Variants in MZF1 observed in about 807,000 individuals in gnomAD.
The protein encoded by MZF1 is zinc finger and SCAN domain-containing protein 6.
In MZF1, 24 loss-of-function variants were observed where a neutral mutation model predicts 28.6. The ratio of observed to expected loss-of-function variants is 0.84; its 90% CI spans 0.61 to 1.18. The LOEUF is 1.18. MZF1 is among the 50% of genes most tolerant of loss of function. The pLI, the probability that MZF1 is intolerant of heterozygous loss-of-function variation, is 0.00. For synonymous variants in MZF1, 516 were observed against 432.5 expected (o/e 1.19, Z -2.40); for missense variants, 1,166 against 1,026.4 (o/e 1.14, Z -1.86).
Position 58,562,996 on chromosome 19 carries a change from C to G in MZF1, c.1281G>C (p.Leu427=). The G allele has an allele frequency of 6.2e-7, 1 of 1,602,028 alleles. No individual in the cohort carries two copies. Residue 427 remains leucine (L), a synonymous_variant, in exon 6 of 6, where the codon CTG becomes CTC. Transcript: ENST00000215057. ...CGQGFVRSAR[L]EEHRRVHTGE... Reference sequence around the variant, plus strand: ...CCGTGTGCACTCTCCGATGCTCTTCCAGGCGCGCGCTGCGCACGAAGCCCT... The same window carrying G: ...CCGTGTGCACTCTCCGATGCTCTTCGAGGCGCGCGCTGCGCACGAAGCCCT...
rs1181820957 is a variant in MZF1, at chr19:58,569,518, G to C, written c.649C>G (p.Gln217Glu). Residue 217 changes from glutamine (Q) to glutamate (E), a missense_variant and splice_region_variant, in exon 4 of 6, where the codon CAG (glutamine) becomes GAG (glutamate). Transcript: ENST00000215057. ...ACATGGACCTGGGCAGGACTTACCT[G>C]GGCCTCCTCAGGCAGGAGGGTGGGT... Reference protein sequence around the residue: ...SVPTLLPEEAQRCGTVLDQIF... With the variant: ...SVPTLLPEEAERCGTVLDQIF... 1 of 1,611,812 alleles carries C rather than the reference G, an allele frequency of 6.2e-7. No individual in the cohort carries two copies. Among genetic ancestry groups the C allele is most frequent in the Admixed American group, 1.7e-5 (1 of 59,788 alleles).
In MZF1 at chr19:58,562,192, C is replaced by G; in HGVS notation, c.2085G>C (p.Thr695=). Residue 695 remains threonine, a synonymous_variant, in exon 6 of 6, where the codon ACG becomes ACC. Transcript: ENST00000215057. The part of the protein sequence containing the change: ...ECGKAFRQRP[T]LTQHLRTHRR... Reference sequence around the variant, plus strand: ...GGTGGGTGCGCAGATGCTGCGTGAGCGTGGGCCGCTGGCGGAAGGCCTTGC... The same window carrying G: ...GGTGGGTGCGCAGATGCTGCGTGAGGGTGGGCCGCTGGCGGAAGGCCTTGC... The G allele has an allele frequency of 1.2e-6, 2 of 1,606,694 alleles. No individual in the cohort carries two copies. The highest frequency in any genetic ancestry group is 2.2e-5 in the South Asian group (2 of 90,654).
intron 5 of MZF1, chr19:58,569,061 T>C (rs2122721073): frequency 1.9e-6 from 1 of 517,832 alleles, no homozygotes; most frequent in Non-Finnish European, 3.3e-6. Context: ...TTCTAGAAAG[T>C]AGAGGGGCTG....
chr19:58,571,325 A>G lies in MZF1; in HGVS notation c.65T>C (p.Val22Ala). 6.2e-7 allele frequency: 1 copy of G among 1,614,128 alleles called. No individual in the cohort carries two copies. Among genetic ancestry groups the G allele is most frequent in the Non-Finnish European group, 8.5e-7 (1 of 1,180,002 alleles). Reference sequence around the variant, plus strand: ...CTCCTCCTCAGAGTCCTCTAGCTTCACCATGACAGGCCCCTCATCTTCTGG... The same window carrying G: ...CTCCTCCTCAGAGTCCTCTAGCTTCGCCATGACAGGCCCCTCATCTTCTGG... Reference protein sequence around the residue: ...APPEDEGPVMVKLEDSEEEGE... With the variant: ...APPEDEGPVMAKLEDSEEEGE... The change falls in exon 2 of 6, where the codon GTG (valine) becomes GCG (alanine). Residue 22 changes from valine to alanine, a missense_variant. Transcript: ENST00000215057.
chr19:58,572,586 T>A (rs757381916), intron 1 of MZF1: 28 of 1,289,740 alleles, frequency 2.2e-5, no homozygotes, highest in Non-Finnish European at 2.8e-5. Context: ...AGCTGCGGCT[T>A]TAGGAAGGAA....
In MZF1 at chr19:58,572,467, G is replaced by T. The variant is rs2054183385; in HGVS notation, c.-41+588C>A. Reference sequence around the variant, plus strand: ...GACTGCCGGAACAGGAGCCTGCAAGGAAGTCCCGAGACTCTGATTCCGCCC... The same window carrying T: ...GACTGCCGGAACAGGAGCCTGCAAGTAAGTCCCGAGACTCTGATTCCGCCC... On this transcript the variant is annotated intron_variant, in intron 1 of 5. Transcript: ENST00000215057. The T allele has an allele frequency of 6.4e-6, 7 of 1,086,240 alleles. No individual in the cohort carries two copies. In the Admixed American group the frequency reaches 1.4e-4, roughly 22 times the overall value. The allele number at this position is 1,086,240 out of a possible 1,614,324, so 67.3% of individuals were successfully genotyped here.
intron 5 of MZF1, chr19:58,568,288 G>A (rs1435744540): frequency 6.6e-6 from 1 of 151,786 alleles, no homozygotes; most frequent in Non-Finnish European, 1.5e-5. Context: ...CTTAACAGAA[G>A]GTCTGAAAGA....
chr19:58,570,557 C>G (rs2054140439), intron 2 of MZF1, 30 bp from the exon 3 acceptor site: 1 of 1,601,178 alleles, frequency 6.2e-7, no homozygotes. Context: ...ATCAGAAGTC[C>G]TACCAGAGAG....
intron 5 of MZF1, 178 bp from the exon 6 acceptor site, chr19:58,563,682 A>C: frequency 1.8e-6 from 1 of 564,242 alleles, no homozygotes; most frequent in South Asian, 2.5e-5. Context: ...TGAGGTGATA[A>C]TGAGACAGAA....
chr19:58,569,818 C>G (rs930808551), intron 3 of MZF1: 4 of 520,426 alleles, frequency 7.7e-6, no homozygotes, highest in Non-Finnish European at 1.4e-5. Flanking sequence ...AGGTTTGTGC[C>G]CCTGTAGCCG....
At chr19:58,566,309 G>A (rs866957164) in intron 5 of MZF1, among the ~76,000 whole-genome samples, 2 of 151,990 alleles carry the variant, frequency 1.3e-5, no homozygotes, top group Admixed American at 1.3e-4. Flanking sequence ...TTAGCTGGGC[G>A]TGGTGGAGCA....
chr19:58,566,068 G>A (rs1407824402), intron 5 of MZF1, among the ~76,000 whole-genome samples: 5 of 151,064 alleles, frequency 3.3e-5, no homozygotes, highest in Non-Finnish European at 7.4e-5. Context: ...GTGAACCCGG[G>A]AGGCGGAGCT....
chr19:58,569,839 A>C, intron 3 of MZF1: 3 of 478,908 alleles, frequency 6.3e-6, no homozygotes, highest in East Asian at 3.7e-5. Flanking sequence ...TATGTGAACC[A>C]TGGGGCAAGG....
intron 5 of MZF1, among the ~76,000 whole-genome samples, chr19:58,565,659 A>G (rs1282306277): frequency 6.6e-6 from 1 of 151,714 alleles, no homozygotes; most frequent in Non-Finnish European, 1.5e-5. Flanking sequence ...CAGCCACCCG[A>G]GTAGATGGGA....
Position 58,571,096 on chromosome 19 carries a change from AG to A in MZF1, c.293del (p.Pro98LeufsTer21), listed in dbSNP as rs767668303. ...GCCCCTGCACACGGGCCTGGATCTC[AG>A]GGGGCAGTGCGCCCAGGAACTGCTC... is the stretch of plus-strand genomic sequence containing the variant. ...VLEQFLGALP[P>X]EIQARVQGQR... On this transcript the variant is annotated frameshift_variant, in exon 2 of 6. Coordinates refer to ENST00000215057, the MANE Select transcript of MZF1 (RefSeq NM_198055.2). LOFTEE classifies it high-confidence loss of function. The A allele has an allele frequency of 6.2e-7, 1 of 1,613,782 alleles. No individual in the cohort carries two copies. Among genetic ancestry groups the A allele is most frequent in the South Asian group, 1.1e-5 (1 of 91,082 alleles).
At chr19:58,564,401 C>G (rs1276167522) in intron 5 of MZF1, 5 of 152,160 alleles carry the variant, frequency 3.3e-5, no homozygotes, top group Admixed American at 2.6e-4. Context: ...TAATTAACCT[C>G]CTAAGTAAAG....
At chr19:58,569,089 G>A (rs570079655) in intron 5 of MZF1, 188 bp downstream of exon 5, 1 of 661,136 alleles carries the variant, frequency 1.5e-6, no homozygotes, top group East Asian at 3.2e-5. Flanking sequence ...AGTGGTAGTG[G>A]TGGGTGGCTT....
In MZF1 at chr19:58,571,085, G is replaced by A. The variant is rs771567748; in HGVS notation, c.305C>T (p.Ala102Val). Residue 102 changes from alanine to valine, a missense_variant, in exon 2 of 6, where the codon GCC becomes GTC. Ala to Val is a moderately conservative substitution (Grantham distance 64). Coordinates refer to ENST00000215057, the MANE Select transcript of MZF1 (RefSeq NM_198055.2). ...FLGALPPEIQ[A>V]RVQGQRPGSP... ...GCCTGGCCGCTGCCCCTGCACACGG[G>A]CCTGGATCTCAGGGGGCAGTGCGCC... 6.2e-7 allele frequency: 1 copy of A among 1,613,632 alleles called. No homozygotes were observed. The highest frequency in any genetic ancestry group is 1.3e-5 in the African/African-American group (1 of 74,940).
chr19:58,563,985 G>A (rs887562165), intron 5 of MZF1: 1 of 155,810 alleles, frequency 6.4e-6, no homozygotes, highest in African/African-American at 2.4e-5. Flanking sequence ...GGGGAAACGT[G>A]AGCAAGGGCT....
Sources: allele counts gnomAD v4.1 joint callset (sites outside exome capture counted in the v4.1 genomes callset), GRCh38; gene constraint gnomAD v4.1.1; transcripts MANE v1.5; gene names NCBI Gene and HGNC (gene_info 2026-07-23, HGNC 2026-07-21).